Variants in HYKK observed in about 807,000 individuals in gnomAD.
HYKK encodes the protein 5-hydroxy-L-lysine kinase.
In HYKK, 19 loss-of-function variants were observed where a neutral mutation model predicts 29.7. That is an observed-to-expected ratio of 0.64 (90% CI 0.45 to 0.94). The LOEUF is 0.94. Ranked by LOEUF, HYKK falls within the 40% of genes least tolerant of loss-of-function variation. HYKK has a pLI of 0.00. For missense variants in HYKK, 390 were observed against 443.4 expected (o/e 0.88, Z 1.08); for synonymous variants, 152 against 158.1 (o/e 0.96, Z 0.29).
intron 3 of HYKK, among the ~76,000 whole-genome samples, chr15:78,523,503 G>C (rs2141360462): frequency 6.6e-6 from 1 of 152,286 alleles, no homozygotes; most frequent in South Asian, 2.1e-4. Context: ...TGAGGACACA[G>C]AGCCAATCCA....
At chr15:78,509,424 G>A (rs964297121) in intron 1 of HYKK, among the ~76,000 whole-genome samples, 1 of 152,160 alleles carries the variant, frequency 6.6e-6, no homozygotes, top group African/African-American at 2.4e-5. Flanking sequence ...TGCTTTACAT[G>A]GCTATGGAAA....
intron 3 of HYKK, chr15:78,518,635 A>G: frequency 2.2e-6 from 1 of 454,636 alleles, no homozygotes; most frequent in Non-Finnish European, 4.4e-6. Flanking sequence ...ACTGAAGACC[A>G]GGCCGGGCGC....
At chr15:78,525,187 G>A (rs1331559578) in intron 3 of HYKK, among the ~76,000 whole-genome samples, 8 of 151,286 alleles carry the variant, frequency 5.3e-5, no homozygotes, top group African/African-American at 7.3e-5. Context: ...ATGGAGTCTC[G>A]CTCTGTCGCC....
At chr15:78,523,892 C>T (rs2052223126) in intron 3 of HYKK, among the ~76,000 whole-genome samples, 1 of 152,262 alleles carries the variant, frequency 6.6e-6, no homozygotes, top group Non-Finnish European at 1.5e-5. Flanking sequence ...CAGACTGATG[C>T]AAGGGATGGG....
At chr15:78,516,507 A>G (rs1461993086) in intron 3 of HYKK, among the ~76,000 whole-genome samples, 1 of 151,778 alleles carries the variant, frequency 6.6e-6, no homozygotes, top group African/African-American at 2.4e-5. Flanking sequence ...CACCACACCC[A>G]TCTAATTTAT....
In HYKK at chr15:78,510,632, A is replaced by G. The variant is rs75890029; in HGVS notation, c.-5-2452A>G. Reference sequence around the variant, plus strand: ...CACTGGAGTTAGGTGGGTTTTTGCTATGATACAGCCAAATAAATTAGGCAT... The same window carrying G: ...CACTGGAGTTAGGTGGGTTTTTGCTGTGATACAGCCAAATAAATTAGGCAT... On this transcript the variant is annotated intron_variant, in intron 1 of 4. Transcript: ENST00000388988. 1.6e-3 allele frequency among the ~76,000 whole-genome samples: 238 copies of G among 152,208 alleles called. 9 individuals are homozygous for G. In the East Asian group the frequency reaches 0.041, roughly 27 times the overall value.
chr15:78,518,787 C>T (rs140155614), intron 3 of HYKK: 3,462 of 307,252 alleles, frequency 0.011, 73 homozygotes, highest in East Asian at 0.093. Flanking sequence ...TGGTGGCGGG[C>T]GCCTATAATC....
In HYKK at chr15:78,528,920, CAG is replaced by C. The variant is rs999009643; in HGVS notation, c.661+1360_661+1361del. The C allele has an allele frequency of 4.5e-6, 4 of 891,636 alleles. No homozygotes were observed. The Admixed American group carries it at 2.5e-4, about 55-fold the overall frequency. 55.2% of individuals were successfully genotyped at this position (891,636 alleles called of 1,614,324 possible). On this transcript the variant is annotated intron_variant, in intron 4 of 4. Transcript: ENST00000388988. ...CACAGTGTAAGGTGTAGCGTAAAAA[CAG>C]AGTTGATTTTTTCCCTTCAAACCTG...
chr15:78,533,061 G>C (rs2052327226), intron 4 of HYKK, 149 bp from the exon 5 acceptor site: 1 of 616,164 alleles, frequency 1.6e-6, no homozygotes, highest in East Asian at 2.8e-5. Flanking sequence ...ATTCTTTTCA[G>C]AGGAAATTAT....
chr15:78,515,399 C>T (rs767288468), intron 3 of HYKK, among the ~76,000 whole-genome samples: 9 of 152,034 alleles, frequency 5.9e-5, no homozygotes, highest in South Asian at 4.2e-4. Context: ...GCCTGGCCAA[C>T]ATAGTGAAAC....
chr15:78,514,406 G>T (rs1480221486), intron 2 of HYKK, among the ~76,000 whole-genome samples: 2 of 152,048 alleles, frequency 1.3e-5, no homozygotes, highest in East Asian at 1.9e-4. Context: ...TTTTTTAAAG[G>T]TTCGAAATCT....
rs2052029292 is a variant in HYKK, at chr15:78,507,844, C to CGGGT, written c.-6+173_-6+174insGGGT. ...CTGCGTGCGTGATGGGCAAGTCACC[C>CGGGT]TTCTTCCCGGACCTCACCTGTAACC... On this transcript the variant is annotated intron_variant, in intron 1 of 4. Coordinates refer to ENST00000388988, the MANE Select transcript of HYKK (RefSeq NM_001013619.4). 5.3e-5 allele frequency among the ~76,000 whole-genome samples: 8 copies of CGGGT among 152,314 alleles called. No individual in the cohort carries two copies. In the South Asian group the frequency reaches 1.5e-3, roughly 28 times the overall value.
intron 4 of HYKK, among the ~76,000 whole-genome samples, chr15:78,531,026 G>A (rs12915428): frequency 0.32 from 47,867 of 151,776 alleles, 8,550 homozygotes; most frequent in Non-Finnish European, 0.42. Context: ...ACCACACCAC[G>A]TAATTTTTGT....
intron 1 of HYKK, among the ~76,000 whole-genome samples, chr15:78,512,132 C>A (rs1255574648): frequency 6.6e-6 from 1 of 152,168 alleles, no homozygotes; most frequent in East Asian, 1.9e-4. Context: ...CAGGTTAATA[C>A]GTATAGTTAA....
At chr15:78,520,022 T>A (rs1375774187) in intron 3 of HYKK, among the ~76,000 whole-genome samples, 2 of 152,218 alleles carry the variant, frequency 1.3e-5, no homozygotes, top group African/African-American at 4.8e-5. Flanking sequence ...ACATCATTGC[T>A]GACAGTGAGT....
intron 3 of HYKK, among the ~76,000 whole-genome samples, chr15:78,524,571 T>G (rs138053407): frequency 6.6e-6 from 1 of 152,140 alleles, no homozygotes; most frequent in African/African-American, 2.4e-5. Context: ...TTTTTACTTA[T>G]GCAAATTTCT....
At chr15:78,508,949 C>G (rs2052043896) in intron 1 of HYKK, among the ~76,000 whole-genome samples, 1 of 143,262 alleles carries the variant, frequency 7.0e-6, no homozygotes, top group African/African-American at 2.6e-5. Context: ...TTGGGAAGCT[C>G]AGGTGGGAGG....
At position 78,536,514 on chromosome 15, in the gene HYKK, T is replaced by C. The variant is rs1041041890; in HGVS notation, c.*2844T>C. The C allele has an allele frequency of 4.6e-5, 7 of 152,220 alleles. No homozygotes were observed. Among genetic ancestry groups the C allele is most frequent in the African/African-American group, 1.2e-4 (5 of 41,448 alleles). 9.4% of individuals were successfully genotyped at this position (152,220 alleles called of 1,614,324 possible). ...TCCAGACCAGTGTTGATCCTCTGAA[T>C]TGATGAAACTGTATAGATTTCCCTC... On this transcript the variant is annotated 3_prime_UTR_variant, in exon 5 of 5. Transcript: ENST00000388988.
intron 4 of HYKK, among the ~76,000 whole-genome samples, chr15:78,532,249 A>G (rs1005288095): frequency 1.6e-4 from 24 of 152,306 alleles, no homozygotes; most frequent in African/African-American, 5.8e-4. Context: ...GAGTTTGACA[A>G]AACTTGAACT....
Sources: allele counts gnomAD v4.1 joint callset (sites outside exome capture counted in the v4.1 genomes callset), GRCh38; gene constraint gnomAD v4.1.1; transcripts MANE v1.5; gene names NCBI Gene and HGNC (gene_info 2026-07-23, HGNC 2026-07-21).